The following CNTN6 variants were observed in gnomAD, a reference collection of about 807,000 sequenced individuals.
The protein encoded by CNTN6 is contactin-6.
A neutral mutation model predicts 122.8 loss-of-function variants in CNTN6; 137 were observed. That is an observed-to-expected ratio of 1.12 (90% confidence interval 0.97 to 1.29). The LOEUF (loss-of-function observed/expected upper bound fraction) is 1.29. Ranked by LOEUF, CNTN6 falls within the 50% of genes most tolerant of loss-of-function variation. The pLI, the probability that CNTN6 is intolerant of heterozygous loss-of-function variation, is 0.00. For missense variants in CNTN6, 1,634 were observed against 1,223.4 expected (o/e 1.34, Z -5.01); for synonymous variants, 570 against 426.0 (o/e 1.34, Z -4.16).
intron 4 of CNTN6, among the ~76,000 whole-genome samples, chr3:1,250,569 G>A (rs541580556): frequency 6.6e-6 from 1 of 152,210 alleles, no homozygotes; most frequent in South Asian, 2.1e-4. Context: ...CTTGACTCCT[G>A]TGTACATAAG....
chr3:1,392,603 A>G (rs1411156859), intron 20 of CNTN6, among the ~76,000 whole-genome samples: 7 of 146,570 alleles, frequency 4.8e-5, no homozygotes, highest in African/African-American at 1.7e-4. Flanking sequence ...AGAAACTACC[A>G]TCAGAGTGAA....
intron 12 of CNTN6, among the ~76,000 whole-genome samples, chr3:1,364,963 A>G (rs1708001714): frequency 6.6e-6 from 1 of 151,968 alleles, no homozygotes; most frequent in Non-Finnish European, 1.5e-5. Flanking sequence ...TTCATGAATG[A>G]TTGTCATTTA....
At position 1,268,525 on chromosome 3, in the gene CNTN6, T is replaced by G. The variant is rs867092253; in HGVS notation, c.359-9888T>G. Among the ~76,000 whole-genome samples the G allele has an allele frequency of 2.0e-3, 295 of 146,484 alleles. 2 individuals are homozygous for G. Among genetic ancestry groups the G allele is most frequent in the African/African-American group, 6.3e-3 (246 of 38,898 alleles). On this transcript the variant is annotated intron_variant, in intron 4 of 22. Coordinates refer to ENST00000446702, the MANE Select transcript of CNTN6 (RefSeq NM_001289080.2). ...GGGAGGCTGAGGCAGGAGAATGGCG[T>G]GAACCCGGGAGGAGGAGCTTGCAGT...
At chr3:1,226,174 C>T (rs936291192) in intron 3 of CNTN6, among the ~76,000 whole-genome samples, 2 of 152,074 alleles carry the variant, frequency 1.3e-5, no homozygotes, top group Non-Finnish European at 2.9e-5. Context: ...TTTCTGCACC[C>T]AACCTCTTTG....
At chr3:1,385,925 C>A in intron 20 of CNTN6, 128 bp downstream of exon 20, 1 of 849,358 alleles carries the variant, frequency 1.2e-6, no homozygotes, top group Non-Finnish European at 1.8e-6. Flanking sequence ...GTTGGTTTGT[C>A]CCTTAAATAT....
chr3:1,246,162 C>T (rs531922288), intron 4 of CNTN6, among the ~76,000 whole-genome samples: 3 of 152,144 alleles, frequency 2.0e-5, no homozygotes, highest in Non-Finnish European at 2.9e-5. Context: ...ATATTTCCAA[C>T]ACCCCCAGAA....
chr3:1,220,728 C>T lies in CNTN6; in HGVS notation c.97C>T (p.His33Tyr), dbSNP rs375339019. 3 of 1,613,156 alleles carry T rather than the reference C, an allele frequency of 1.9e-6. No homozygotes were observed. The highest frequency in any genetic ancestry group is 2.5e-6 in the Non-Finnish European group (3 of 1,179,600). Residue 33 changes from histidine to tyrosine, a missense_variant, in exon 3 of 23, where the codon CAT (histidine) becomes TAT (tyrosine). Physicochemically the swap from His to Tyr is moderately conservative, Grantham distance 83. Transcript: ENST00000446702. The stretch of plus-strand genomic sequence containing the variant: ...CCGTCCTATTTTTACTCAGGAGCCA[C>T]ATGATGTCATTTTTCCTTTGGATTT... Reference protein sequence around the residue: ...LSRPIFTQEPHDVIFPLDLSK... With the variant: ...LSRPIFTQEPYDVIFPLDLSK...
intron 2 of CNTN6, among the ~76,000 whole-genome samples, chr3:1,195,062 C>A (rs1435612242): frequency 6.6e-6 from 1 of 152,150 alleles, no homozygotes; most frequent in Non-Finnish European, 1.5e-5. Context: ...ATCCTTTACA[C>A]TCCACGCCAG....
chr3:1,353,637 T>A (rs1231426479), intron 12 of CNTN6, among the ~76,000 whole-genome samples: 1 of 151,658 alleles, frequency 6.6e-6, no homozygotes, highest in African/African-American at 2.4e-5. Context: ...CTCCAGCAAA[T>A]TTTTGGCAAT....
Position 1,133,560 on chromosome 3 carries a change from A to T in CNTN6, c.-82-14367A>T, listed in dbSNP as rs563312202. Among the ~76,000 whole-genome samples the T allele has an allele frequency of 2.0e-5, 3 of 152,324 alleles. No homozygotes were observed. In the East Asian group the frequency reaches 5.8e-4, roughly 29 times the overall value. On this transcript the variant is annotated intron_variant, in intron 1 of 22. Transcript: ENST00000446702. ...TGAGAGCCACAGGTCAGATTTAAACACTGGCAGCCTGGCTGTATAGCATGG... is the reference window on the plus strand; with the variant it reads ...TGAGAGCCACAGGTCAGATTTAAACTCTGGCAGCCTGGCTGTATAGCATGG...
intron 2 of CNTN6, among the ~76,000 whole-genome samples, chr3:1,202,276 C>T (rs928601245): frequency 6.6e-6 from 1 of 152,140 alleles, no homozygotes; most frequent in Non-Finnish European, 1.5e-5. Flanking sequence ...CGCGGTGGCT[C>T]ACGCCTGTAA....
chr3:1,387,024 T>C (rs752224081), intron 20 of CNTN6, among the ~76,000 whole-genome samples: 1 of 152,278 alleles, frequency 6.6e-6, no homozygotes, highest in Non-Finnish European at 1.5e-5. Flanking sequence ...CTGTCAGATA[T>C]TCATGTTCCA....
At chr3:1,197,653 C>T (rs1395797792) in intron 2 of CNTN6, among the ~76,000 whole-genome samples, 3 of 152,080 alleles carry the variant, frequency 2.0e-5, no homozygotes, top group Non-Finnish European at 2.9e-5. Flanking sequence ...AGGAAGCCCA[C>T]GTAGTGATAA....
chr3:1,310,542 T>C (rs879401422), intron 7 of CNTN6, among the ~76,000 whole-genome samples: 2 of 152,202 alleles, frequency 1.3e-5, no homozygotes, highest in African/African-American at 2.4e-5. Context: ...ATTTTTCCAT[T>C]TGTATTAATG....
At chr3:1,311,513 TCTTTATATGTACATATATGTAC>T (rs1699303972) in intron 7 of CNTN6, among the ~76,000 whole-genome samples, 5 of 140,904 alleles carry the variant, frequency 3.5e-5, no homozygotes, top group African/African-American at 1.3e-4. Context: ...ATATAAAATG[TCTTTATATGTACATATATGTAC>T]ATATAAATGT....
intron 1 of CNTN6, among the ~76,000 whole-genome samples, chr3:1,129,788 G>C (rs1385851862): frequency 6.6e-6 from 1 of 151,998 alleles, no homozygotes; most frequent in Non-Finnish European, 1.5e-5. Context: ...ATGAATTTAA[G>C]TATGAATTTC....
chr3:1,388,175 G>C (rs978791974), intron 20 of CNTN6, among the ~76,000 whole-genome samples: 6 of 151,356 alleles, frequency 4.0e-5, no homozygotes, highest in African/African-American at 7.3e-5. Flanking sequence ...TGACAGCTTT[G>C]AAGAGAGCAC....
In CNTN6 at chr3:1,327,469, AT is replaced by A. The variant is rs755971080; in HGVS notation, c.1097del (p.Ile366LysfsTer8). On this transcript the variant is annotated frameshift_variant, in exon 10 of 23. Coordinates refer to ENST00000446702, the MANE Select transcript of CNTN6 (RefSeq NM_001289080.2). LOFTEE classifies it high-confidence loss of function. The part of the protein sequence containing the change: ...ERLNPEERIQ[I>X]ENGTLIITML... ...TTTCCTTTATTAGGAGAGAATTCAA[AT>A]AGAAAATGGGACACTCATCATAACG... 6.2e-7 allele frequency: 1 copy of A among 1,610,324 alleles called. No individual in the cohort carries two copies. Among genetic ancestry groups the A allele is most frequent in the Non-Finnish European group, 8.5e-7 (1 of 1,177,744 alleles).
At chr3:1,256,289 G>A (rs1389425566) in intron 4 of CNTN6, among the ~76,000 whole-genome samples, 1 of 152,132 alleles carries the variant, frequency 6.6e-6, no homozygotes, top group African/African-American at 2.4e-5. Context: ...GATGTTAGAC[G>A]TGAAAGTGTG....
Sources: gnomAD v4.1 joint callset for allele counts (sites outside exome capture counted in the v4.1 genomes callset) on GRCh38, gnomAD v4.1.1 for gene constraint, MANE v1.5 for transcripts, NCBI Gene and HGNC (gene_info 2026-07-23, HGNC 2026-07-21) for gene names.